SUPT5H: variants seen among roughly 807,000 people sequenced by gnomAD.
SUPT5H encodes SPT5 homolog, DSIF elongation factor subunit.
A neutral mutation model predicts 142.5 loss-of-function variants in SUPT5H; 24 were observed. The observed-to-expected ratio is 0.17, with a 90% confidence interval of 0.12 to 0.24. SUPT5H has a LOEUF of 0.24. SUPT5H is among the 10% of genes least tolerant of loss of function. The pLI is 1.00. For synonymous variants in SUPT5H, 546 were observed against 553.0 expected (o/e 0.99, Z 0.18); for missense variants, 893 against 1,471.8 (o/e 0.61, Z 6.43).
intron 10 of SUPT5H, among the ~76,000 whole-genome samples, chr19:39,464,137 C>A (rs1487563942): frequency 6.7e-6 from 1 of 150,314 alleles, no homozygotes; most frequent in Non-Finnish European, 1.5e-5. Context: ...GCATGTGCCA[C>A]CACACCCGGC....
chr19:39,473,899 C>T lies in SUPT5H; in HGVS notation c.2493-64C>T. The T allele has an allele frequency of 1.9e-6, 3 of 1,605,488 alleles. No individual in the cohort carries two copies. Among genetic ancestry groups the T allele is most frequent in the Admixed American group, 1.7e-5 (1 of 59,942 alleles). On this transcript the variant is annotated intron_variant, in intron 25 of 29. Coordinates refer to ENST00000432763, the MANE Select transcript of SUPT5H (RefSeq NM_001111020.3). The surrounding 1 kb of genome is among the most constrained non-coding windows in gnomAD (Gnocchi z 5.8). ...TCAGTTGGGGGTCTGGTGTAGGGTGCTGTTCTGGAAGCATCCATCGCATTA... is the reference window on the plus strand; with the variant it reads ...TCAGTTGGGGGTCTGGTGTAGGGTGTTGTTCTGGAAGCATCCATCGCATTA...
chr19:39,459,990 G>T (rs747537848), intron 10 of SUPT5H, 30 bp downstream of exon 10: 47 of 1,611,416 alleles, frequency 2.9e-5, no homozygotes, highest in Non-Finnish European at 4.0e-5. Context: ...GGCTTGGTGG[G>T]GAGACATGGC....
rs2079355386 is a variant in SUPT5H at position 39,473,528 on chromosome 19, C to A, written c.2492+7C>A. ...ACCCCAACACGCCGTCACGGTGAGTCCAGGGTTCCCCAGGTTCTGGTGTGT... is the reference window on the plus strand; with the variant it reads ...ACCCCAACACGCCGTCACGGTGAGTACAGGGTTCCCCAGGTTCTGGTGTGT... On this transcript the variant is annotated splice_region_variant and intron_variant, in intron 25 of 29. Transcript: ENST00000432763. This position sits in a 1 kb window ranked among gnomAD's most constrained non-coding sequence, Gnocchi z 5.8. The A allele has an allele frequency of 6.2e-7, 1 of 1,605,922 alleles. No homozygotes were observed. The highest frequency in any genetic ancestry group is 1.7e-4 in the Middle Eastern group (1 of 6,048).
At chr19:39,459,530 G>A (rs2079134209) in intron 8 of SUPT5H, 29 bp from the exon 9 acceptor site, 1 of 1,613,538 alleles carries the variant, frequency 6.2e-7, no homozygotes, top group Non-Finnish European at 8.5e-7. Context: ...CAGCTTCACT[G>A]AAGGCCTTCC....
At chr19:39,448,718 A>C (rs2078983199) in intron 2 of SUPT5H, among the ~76,000 whole-genome samples, 1 of 152,116 alleles carries the variant, frequency 6.6e-6, no homozygotes, top group South Asian at 2.1e-4. Context: ...CTAGACAGGT[A>C]GGGATGGCAA....
intron 2 of SUPT5H, among the ~76,000 whole-genome samples, chr19:39,451,774 C>T (rs1487126100): frequency 1.3e-5 from 2 of 152,166 alleles, no homozygotes; most frequent in African/African-American, 2.4e-5. Flanking sequence ...TCAGGTGATC[C>T]ACCCGCTTTG....
chr19:39,461,525 A>G (rs1320787227), intron 10 of SUPT5H, among the ~76,000 whole-genome samples: 64 of 152,024 alleles, frequency 4.2e-4, no homozygotes, highest in Non-Finnish European at 5.9e-5. Context: ...TGATTTCTAC[A>G]AAGAAAATAA....
At position 39,470,423 on chromosome 19, in the gene SUPT5H, C is replaced by A; in HGVS notation, c.1577C>A (p.Ser526Ter). ...CTGCAGCTCTGCTCAGAGACAGCAT[C>A]AGGTGTGGATGTTGGGGGCCAGCAT... ...RDLQLCSETA[S>*]GVDVGGQHEW... Residue 526 changes from serine to a stop codon, truncating the protein, a stop_gained, in exon 18 of 30, where the codon TCA (serine) becomes TAA (stop). Transcript: ENST00000432763. LOFTEE classifies it high-confidence loss of function. This position sits in a 1 kb window ranked among gnomAD's most constrained non-coding sequence, Gnocchi z 5.8. The A allele has an allele frequency of 6.2e-7, 1 of 1,605,766 alleles. No homozygotes were observed. Among genetic ancestry groups the A allele is most frequent in the Non-Finnish European group, 8.5e-7 (1 of 1,175,278 alleles).
At chr19:39,467,011 A>G (rs774252546) in intron 13 of SUPT5H, 14 of 437,942 alleles carry the variant, frequency 3.2e-5, no homozygotes, top group Non-Finnish European at 1.2e-5. Flanking sequence ...GTTCGAGACC[A>G]GCCTGGGCAA....
Position 39,469,300 on chromosome 19 carries a change from G to C in SUPT5H, c.1276G>C (p.Val426Leu). Residue 426 changes from valine to leucine, a missense_variant, in exon 16 of 30, where the codon GTG becomes CTG. Around this residue, in one of 6 missense-constraint regions of SUPT5H, gnomAD observed 428 missense variants for 763.5 expected, o/e 0.56. Transcript: ENST00000432763. This position sits in a 1 kb window ranked among gnomAD's most constrained non-coding sequence, Gnocchi z 5.1. ...GCACAACTTCCAACCTGGGGACAAC[G>C]TGGAGGTCTGTGAGGGTGAGCTCAT... ...REHNFQPGDNVEVCEGELINL... is the reference protein window; with the variant it reads ...REHNFQPGDNLEVCEGELINL... 6.2e-7 allele frequency: 1 copy of C among 1,614,202 alleles called. No individual in the cohort carries two copies. Among genetic ancestry groups the C allele is most frequent in the Non-Finnish European group, 8.5e-7 (1 of 1,180,024 alleles).
At position 39,469,904 on chromosome 19, in the gene SUPT5H, G is replaced by C; in HGVS notation, c.1375-215G>C. ...TCGTGTGTCTTGAGGGCGGGCTGGG[G>C]TAAAGGTTGTCCAGGTTGGTGTCCT... On this transcript the variant is annotated intron_variant, in intron 16 of 29. Transcript: ENST00000432763. This position sits in a 1 kb window ranked among gnomAD's most constrained non-coding sequence, Gnocchi z 5.1. 2 of 592,864 alleles carry C rather than the reference G, an allele frequency of 3.4e-6. No individual in the cohort carries two copies. Among genetic ancestry groups the C allele is most frequent in the Non-Finnish European group, 5.8e-6 (2 of 343,090 alleles). 36.7% of individuals were successfully genotyped at this position (592,864 alleles called of 1,614,324 possible). A position where few individuals can be genotyped will look rare whatever the true frequency, so the allele number is the denominator to read the frequency against.
chr19:39,476,123 G>T lies in SUPT5H; in HGVS notation c.3067G>T (p.Val1023Phe), dbSNP rs1308218369. The change falls in exon 29 of 30, where the codon GTC (valine) becomes TTC (phenylalanine). Residue 1023 changes from valine (V) to phenylalanine (F), a missense_variant. Coordinates refer to ENST00000432763, the MANE Select transcript of SUPT5H (RefSeq NM_001111020.3). ...SVYLKDSEKV[V>F]SISSEHLEPI... ...GTACCTGAAGGACAGTGAGAAGGTT[G>T]TCAGCATTTCCAGTGAGCACCTGGA... is the stretch of plus-strand genomic sequence containing the variant. 1 of 1,613,996 alleles carries T rather than the reference G, an allele frequency of 6.2e-7. No individual in the cohort carries two copies. Among genetic ancestry groups the T allele is most frequent in the East Asian group, 2.2e-5 (1 of 44,882 alleles).
rs1281292834 is a variant in SUPT5H at position 39,469,664 on chromosome 19, G to A, written c.1374+266G>A. 1 of 565,716 alleles carries A rather than the reference G, an allele frequency of 1.8e-6. No homozygotes were observed. The highest frequency in any genetic ancestry group is 1.9e-5 in the African/African-American group (1 of 53,212). The allele number at this position is 565,716 out of a possible 1,614,324, so 35.0% of individuals were successfully genotyped here. ...AAAGCAAGATATCTGGGTAGTACTG[G>A]GTTGAGAGTGTGATTAACCAAGGAG... is the stretch of plus-strand genomic sequence containing the variant. On this transcript the variant is annotated intron_variant, in intron 16 of 29. Coordinates refer to ENST00000432763, the MANE Select transcript of SUPT5H (RefSeq NM_001111020.3). This position sits in a 1 kb window ranked among gnomAD's most constrained non-coding sequence, Gnocchi z 5.1.
rs147429173 is a variant in SUPT5H, at chr19:39,445,864, T to G, written c.-27T>G. 2.5e-6 allele frequency: 4 copies of G among 1,611,902 alleles called. No individual in the cohort carries two copies. The highest frequency in any genetic ancestry group is 3.4e-6 in the Non-Finnish European group (4 of 1,179,484). On this transcript the variant is annotated 5_prime_UTR_variant, in exon 2 of 30. Transcript: ENST00000432763. ...GCAGGATTGTGGGACGCGCCAAGGC[T>G]GCTGTCTTTCCCAGCAGCAGCGGAA...
In SUPT5H at chr19:39,473,652, T is replaced by A; in HGVS notation, c.2492+131T>A. On this transcript the variant is annotated intron_variant, in intron 25 of 29. Transcript: ENST00000432763. This position sits in a 1 kb window ranked among gnomAD's most constrained non-coding sequence, Gnocchi z 5.8. Reference sequence around the variant, plus strand: ...TGCTCCTAGCCTCAGGCTGGTCCCTTTGAAGGAGGAGGCATAGCATGGCGG... The same window carrying A: ...TGCTCCTAGCCTCAGGCTGGTCCCTATGAAGGAGGAGGCATAGCATGGCGG... The A allele has an allele frequency of 8.9e-7, 1 of 1,128,090 alleles. No individual in the cohort carries two copies. The highest frequency in any genetic ancestry group is 1.6e-5 in the African/African-American group (1 of 64,044). 69.9% of individuals were successfully genotyped at this position (1,128,090 alleles called of 1,614,324 possible).
intron 10 of SUPT5H, 115 bp from the exon 11 acceptor site, chr19:39,464,683 C>T: frequency 7.0e-7 from 1 of 1,424,956 alleles, no homozygotes; most frequent in Non-Finnish European, 9.5e-7. Context: ...GTCATTGTGC[C>T]AGTGTGTTTC....
intron 3 of SUPT5H, among the ~76,000 whole-genome samples, chr19:39,457,127 C>G (rs1322000618): frequency 6.6e-6 from 1 of 152,220 alleles, no homozygotes; most frequent in African/African-American, 2.4e-5. Flanking sequence ...TCTCAGATCC[C>G]AGCTGAGTCT....
Position 39,466,650 on chromosome 19 carries a change from C to G in SUPT5H, c.967-25C>G. On this transcript the variant is annotated intron_variant, in intron 12 of 29. Coordinates refer to ENST00000432763, the MANE Select transcript of SUPT5H (RefSeq NM_001111020.3). This position sits in a 1 kb window ranked among gnomAD's most constrained non-coding sequence, Gnocchi z 4.3. ...GGCCAAGCCCCCTCCCTCACCCTTC[C>G]CACCCATGCCCCTTTCCTCCATAGA... The G allele has an allele frequency of 6.2e-7, 1 of 1,614,014 alleles. No individual in the cohort carries two copies. The highest frequency in any genetic ancestry group is 8.5e-7 in the Non-Finnish European group (1 of 1,179,868).
At chr19:39,463,487 C>T (rs1259259516) in intron 10 of SUPT5H, among the ~76,000 whole-genome samples, 1 of 152,034 alleles carries the variant, frequency 6.6e-6, no homozygotes. Context: ...GATTTTAGTT[C>T]TTTTATGTTT....
Sources: allele counts gnomAD v4.1 joint callset (sites outside exome capture counted in the v4.1 genomes callset), GRCh38; gene constraint gnomAD v4.1.1; regional missense constraint gnomAD v4.1.1; non-coding constraint Gnocchi (gnomAD v3.1); transcripts MANE v1.5; gene names NCBI Gene and HGNC (gene_info 2026-07-23, HGNC 2026-07-21).